Variants in ATXN1 observed in about 807,000 individuals in gnomAD.
ATXN1 encodes ataxin-1.
A neutral mutation model predicts 56.4 loss-of-function variants in ATXN1; 8 were observed. The observed-to-expected ratio is 0.14, with a 90% confidence interval of 0.08 to 0.26. The LOEUF is 0.26. Among genes scored for constraint, ATXN1 ranks in the 10% least tolerant of loss-of-function variants. ATXN1 has a pLI of 1.00. For synonymous variants in ATXN1, 514 were observed against 494.6 expected (o/e 1.04, Z -0.52); for missense variants, 987 against 1,106.5 (o/e 0.89, Z 1.53).
At chr6:16,679,253 T>A (rs905657180) in intron 2 of ATXN1, among the ~76,000 whole-genome samples, 4 of 147,394 alleles carry the variant, frequency 2.7e-5, no homozygotes, top group African/African-American at 1.0e-4. Flanking sequence ...GGTGGGTGGA[T>A]GGATGGATGG....
At chr6:16,495,821 C>T (rs1226529132) in intron 5 of ATXN1, among the ~76,000 whole-genome samples, 1 of 151,728 alleles carries the variant, frequency 6.6e-6, no homozygotes, top group Admixed American at 6.6e-5. Flanking sequence ...CGAGATCATG[C>T]CACTGCACTC....
chr6:16,569,948 C>T (rs570536545), intron 4 of ATXN1, among the ~76,000 whole-genome samples: 78 of 152,294 alleles, frequency 5.1e-4, no homozygotes, highest in African/African-American at 1.8e-3. Flanking sequence ...CTGAGCCTTG[C>T]GATACAAGGA....
At chr6:16,416,189 T>C (rs1758902912) in intron 6 of ATXN1, among the ~76,000 whole-genome samples, 1 of 152,016 alleles carries the variant, frequency 6.6e-6, no homozygotes, top group Admixed American at 6.6e-5. Flanking sequence ...GAAAGTAATG[T>C]CTATGAATTG....
At chr6:16,753,717 T>C (rs1395438192) in intron 1 of ATXN1, among the ~76,000 whole-genome samples, 1 of 152,186 alleles carries the variant, frequency 6.6e-6, no homozygotes, top group East Asian at 1.9e-4. Flanking sequence ...ATGGATTGAA[T>C]AGTAATTGAG....
chr6:16,595,109 A>G (rs1340947636), intron 3 of ATXN1, among the ~76,000 whole-genome samples: 6 of 152,220 alleles, frequency 3.9e-5, no homozygotes, highest in African/African-American at 1.2e-4. Flanking sequence ...ATGTACAAAT[A>G]TAAGTACCTC....
intron 6 of ATXN1, among the ~76,000 whole-genome samples, chr6:16,458,044 T>C (rs921087887): frequency 2.0e-5 from 3 of 152,228 alleles, no homozygotes; most frequent in South Asian, 2.1e-4. Flanking sequence ...CTTGGAGAGA[T>C]GTCATGCTAT....
chr6:16,401,412 G>A (rs1190898494), intron 6 of ATXN1, among the ~76,000 whole-genome samples: 2 of 152,144 alleles, frequency 1.3e-5, no homozygotes, highest in South Asian at 2.1e-4. Context: ...GAGAAACAAG[G>A]TGAGACCCTT....
At chr6:16,562,552 G>T (rs1341925373) in intron 4 of ATXN1, among the ~76,000 whole-genome samples, 1 of 151,870 alleles carries the variant, frequency 6.6e-6, no homozygotes, top group East Asian at 1.9e-4. Context: ...GAAAAGAAAT[G>T]AAATGGCTGG....
intron 6 of ATXN1, among the ~76,000 whole-genome samples, chr6:16,351,200 G>A (rs1761557612): frequency 6.6e-6 from 1 of 152,142 alleles, no homozygotes. Context: ...TATTCAGCAG[G>A]AACTTTATCA....
chr6:16,603,306 C>T (rs1335101916), intron 3 of ATXN1, among the ~76,000 whole-genome samples: 1 of 152,216 alleles, frequency 6.6e-6, no homozygotes, highest in Admixed American at 6.5e-5. Context: ...TTTCCCACTC[C>T]TCCCTCCTCT....
At chr6:16,750,014 C>G (rs987361550) in intron 2 of ATXN1, 1 of 152,356 alleles carries the variant, frequency 6.6e-6, no homozygotes, top group African/African-American at 2.4e-5. Flanking sequence ...CACACATGGC[C>G]TTCCTCATGC....
intron 6 of ATXN1, among the ~76,000 whole-genome samples, chr6:16,405,998 T>G (rs1758678476): frequency 6.6e-6 from 1 of 152,138 alleles, no homozygotes; most frequent in Non-Finnish European, 1.5e-5. Flanking sequence ...TGAAGGACCT[T>G]TTACTGCACA....
chr6:16,708,268 C>T (rs1214526646), intron 2 of ATXN1, among the ~76,000 whole-genome samples: 5 of 151,982 alleles, frequency 3.3e-5, no homozygotes, highest in African/African-American at 4.8e-5. Context: ...ATTTTATAAT[C>T]GTCAACATAC....
intron 4 of ATXN1, 78 bp downstream of exon 4, chr6:16,585,702 A>G (rs1270785251): frequency 6.6e-6 from 1 of 152,174 alleles, no homozygotes; most frequent in Non-Finnish European, 1.5e-5. Context: ...CCAGATATGT[A>G]TACACCCCCA....
At position 16,326,672 on chromosome 6, in the gene ATXN1, T is replaced by C. The variant is rs747248485; in HGVS notation, c.1639A>G (p.Met547Val). The C allele has an allele frequency of 8.1e-6, 13 of 1,613,398 alleles. No individual in the cohort carries two copies. Among genetic ancestry groups the C allele is most frequent in the Non-Finnish European group, 2.5e-6 (3 of 1,180,018 alleles). ...GGCAGGTGGATCTGGGCCTGCACCA[T>C]GGCTGGGTAGGCGGCCTGGGTGACC... ...ALVTQAAYPA[M>V]VQAQIHLPVV... The change falls in exon 7 of 8, where the codon ATG becomes GTG. Residue 547 changes from methionine to valine, a missense_variant. Physicochemically the swap from Met to Val is conservative, Grantham distance 21. Coordinates refer to ENST00000436367, the MANE Select transcript of ATXN1 (RefSeq NM_001128164.2). This position sits in a 1 kb window ranked among gnomAD's most constrained non-coding sequence, Gnocchi z 6.6.
chr6:16,334,641 CAGG>C (rs1361562401), intron 6 of ATXN1, among the ~76,000 whole-genome samples: 2 of 152,062 alleles, frequency 1.3e-5, no homozygotes, highest in East Asian at 3.8e-4. Context: ...TGCTTGAGCC[CAGG>C]AGGTTGAGGC....
chr6:16,539,061 C>T (rs1345983663), intron 4 of ATXN1, among the ~76,000 whole-genome samples: 1 of 152,200 alleles, frequency 6.6e-6, no homozygotes, highest in African/African-American at 2.4e-5. Context: ...CACTCTAAGT[C>T]TGTTCATTTA....
intron 4 of ATXN1, among the ~76,000 whole-genome samples, chr6:16,554,336 T>G (rs578007840): frequency 5.9e-5 from 9 of 152,366 alleles, no homozygotes; most frequent in African/African-American, 2.2e-4. Context: ...GTGGAAAATA[T>G]GGAAGAAATC....
At chr6:16,598,864 C>T (rs1762864187) in intron 3 of ATXN1, among the ~76,000 whole-genome samples, 1 of 152,240 alleles carries the variant, frequency 6.6e-6, no homozygotes, top group Non-Finnish European at 1.5e-5. Flanking sequence ...GACATAGAAA[C>T]TGGCCTCCGT....
Sources: gnomAD v4.1 joint callset for allele counts (sites outside exome capture counted in the v4.1 genomes callset) on GRCh38, gnomAD v4.1.1 for gene constraint, Gnocchi (gnomAD v3.1) non-coding constraint, MANE v1.5 for transcripts, NCBI Gene and HGNC (gene_info 2026-07-23, HGNC 2026-07-21) for gene names.